ARL6IP6: variants seen among roughly 807,000 people sequenced by gnomAD.
ARL6IP6 encodes the protein ADP-ribosylation factor-like protein 6-interacting protein 6.
A neutral mutation model predicts 21.5 loss-of-function variants in ARL6IP6; 22 were observed. The observed-to-expected ratio is 1.02, with a 90% CI of 0.73 to 1.46. The LOEUF is 1.46. ARL6IP6 is among the 40% of genes most tolerant of loss of function. The probability of loss-of-function intolerance (pLI) is 0.00; values close to 1 mark genes in which losing one functional copy is unlikely to be tolerated. For synonymous variants in ARL6IP6, 164 were observed against 125.3 expected, an observed-to-expected ratio of 1.31 and a Z score of -2.06; for missense variants, 388 against 299.8, an observed-to-expected ratio of 1.29 and a Z score of -2.17.
chr2:152,721,755 T>C (rs957833146), intron 2 of ARL6IP6, among the ~76,000 whole-genome samples: 2 of 152,246 alleles, frequency 1.3e-5, no homozygotes, highest in African/African-American at 4.8e-5. Flanking sequence ...TAATCACCCT[T>C]ATGGTGACAC....
At chr2:152,759,495 C>T (rs947196283) in intron 3 of ARL6IP6, among the ~76,000 whole-genome samples, 4 of 152,078 alleles carry the variant, frequency 2.6e-5, no homozygotes, top group South Asian at 2.1e-4. Context: ...AGGGATGAAA[C>T]TCAGCATTAC....
intron 3 of ARL6IP6, among the ~76,000 whole-genome samples, chr2:152,754,190 C>T (rs1285503077): frequency 1.3e-5 from 2 of 151,974 alleles, no homozygotes; most frequent in African/African-American, 4.8e-5. Flanking sequence ...AAATGAAAAC[C>T]CCATACCCAT....
At chr2:152,720,438 C>A in intron 1 of ARL6IP6, 95 bp from the exon 2 acceptor site, 1 of 1,211,194 alleles carries the variant, frequency 8.3e-7, no homozygotes, top group Non-Finnish European at 1.2e-6. Flanking sequence ...GACTCCAGAG[C>A]ACTTTCCACA....
intron 3 of ARL6IP6, among the ~76,000 whole-genome samples, chr2:152,749,262 AG>A (rs1701200709): frequency 6.6e-6 from 1 of 152,046 alleles, no homozygotes; most frequent in Non-Finnish European, 1.5e-5. Flanking sequence ...GAATTATAAA[AG>A]AAGTCGTTAT....
At chr2:152,719,919 C>T in intron 1 of ARL6IP6, 1 of 461,720 alleles carries the variant, frequency 2.2e-6, no homozygotes, top group Non-Finnish European at 4.5e-6. Context: ...CTACAGATGG[C>T]ATGGCATCTA....
intron 3 of ARL6IP6, among the ~76,000 whole-genome samples, chr2:152,748,103 T>C (rs7589899): frequency 0.66 from 100,632 of 151,838 alleles, 33,539 homozygotes; most frequent in East Asian, 0.72. Context: ...TAAAGAACTT[T>C]AGAGTAAAAA....
Position 152,735,037 on chromosome 2 carries a change from C to T in ARL6IP6, c.498C>T (p.Ser166=), listed in dbSNP as rs1339687146. Residue 166 remains serine (S), a synonymous_variant, in exon 3 of 4, where the codon TCC becomes TCT. Transcript: ENST00000326446. ...TAATATCCCTAACTGCTGGATTCTC[C>T]TGTTGCAGCTTTTCTTGGACAGTGA... ...LLIISLTAGF[S]CCSFSWTVTY... The T allele has an allele frequency of 6.2e-7, 1 of 1,613,328 alleles. No homozygotes were observed. Among genetic ancestry groups the T allele is most frequent in the East Asian group, 2.2e-5 (1 of 44,824 alleles).
Position 152,718,773 on chromosome 2 carries a change from A to G in ARL6IP6, c.149A>G (p.Gln50Arg), listed in dbSNP as rs1189746706. ...GEVDEEEGCDQVARDLRAEFS... is the reference protein window; with the variant it reads ...GEVDEEEGCDRVARDLRAEFS... Reference sequence around the variant, plus strand: ...GTCGACGAGGAGGAGGGATGCGACCAAGTGGCCCGCGACCTGCGGGCGGAG... The same window carrying G: ...GTCGACGAGGAGGAGGGATGCGACCGAGTGGCCCGCGACCTGCGGGCGGAG... The change falls in exon 1 of 4, where the codon CAA (glutamine) becomes CGA (arginine). Residue 50 changes from glutamine (Q) to arginine (R), a missense_variant. By Grantham distance (43) the Gln-to-Arg change is conservative. Coordinates refer to ENST00000326446, the MANE Select transcript of ARL6IP6 (RefSeq NM_152522.7). The G allele has an allele frequency of 6.2e-7, 1 of 1,608,712 alleles. No homozygotes were observed.
At position 152,759,966 on chromosome 2, in the gene ARL6IP6, T is replaced by C; in HGVS notation, c.*126T>C. 1.4e-6 allele frequency: 1 copy of C among 731,470 alleles called. No individual in the cohort carries two copies. The highest frequency in any genetic ancestry group is 1.7e-5 in the South Asian group (1 of 60,058). 45.3% of individuals were successfully genotyped at this position (731,470 alleles called of 1,614,324 possible). A position where few individuals can be genotyped will look rare whatever the true frequency, so the allele number is the denominator to read the frequency against. Reference sequence around the variant, plus strand: ...GTTCATTATGTAGTTCAGATATTTATCACAATCATCCTCATTATGGAAGAC... The same window carrying C: ...GTTCATTATGTAGTTCAGATATTTACCACAATCATCCTCATTATGGAAGAC... On this transcript the variant is annotated 3_prime_UTR_variant, in exon 4 of 4. Transcript: ENST00000326446.
chr2:152,743,096 A>G (rs545568901), intron 3 of ARL6IP6, among the ~76,000 whole-genome samples: 1 of 96,178 alleles, frequency 1.0e-5, no homozygotes, highest in Non-Finnish European at 2.1e-5. Context: ...GTATTGCTAA[A>G]TCAAAAGACT....
intron 3 of ARL6IP6, among the ~76,000 whole-genome samples, chr2:152,738,634 C>A (rs994894974): frequency 1.2e-4 from 18 of 152,168 alleles, no homozygotes; most frequent in Non-Finnish European, 2.4e-4. Context: ...ACATTGACCC[C>A]TTTTAGCCAC....
chr2:152,736,742 A>G (rs903897104), intron 3 of ARL6IP6, among the ~76,000 whole-genome samples: 11 of 152,230 alleles, frequency 7.2e-5, no homozygotes, highest in Non-Finnish European at 1.3e-4. Context: ...AAAAATTACA[A>G]TACAACAATA....
chr2:152,729,857 T>C (rs1022353662), intron 2 of ARL6IP6, among the ~76,000 whole-genome samples: 1 of 150,470 alleles, frequency 6.6e-6, no homozygotes, highest in Non-Finnish European at 1.5e-5. Context: ...TCATTTAATA[T>C]GCTTTCATTT....
chr2:152,747,945 C>T (rs969009676), intron 3 of ARL6IP6, among the ~76,000 whole-genome samples: 1 of 152,184 alleles, frequency 6.6e-6, no homozygotes, highest in Non-Finnish European at 1.5e-5. Flanking sequence ...AAGCCATCCT[C>T]CTGCCTCAGC....
At chr2:152,745,946 T>G (rs1168656762) in intron 3 of ARL6IP6, among the ~76,000 whole-genome samples, 3 of 149,004 alleles carry the variant, frequency 2.0e-5, no homozygotes, top group East Asian at 4.1e-4. Flanking sequence ...TTGTATTAAC[T>G]ATTGGTTTTA....
upstream of ARL6IP6, chr2:152,718,528 G>A: frequency 6.8e-7 from 1 of 1,473,332 alleles, no homozygotes; most frequent in East Asian, 2.4e-5. Context: ...TCTGAGGCCT[G>A]GTGGTAGCGG....
intron 3 of ARL6IP6, among the ~76,000 whole-genome samples, chr2:152,743,710 T>TA (rs1700919628): frequency 6.6e-6 from 1 of 152,158 alleles, no homozygotes; most frequent in Admixed American, 6.6e-5. Flanking sequence ...TGCTTGTATT[T>TA]AAAGTTGTGA....
rs139201057 is a variant in ARL6IP6 at position 152,761,836 on chromosome 2, G to A, written c.*1996G>A. 4.9e-3 allele frequency among the ~76,000 whole-genome samples: 750 copies of A among 152,002 alleles called. 4 individuals carry two copies. The highest frequency in any genetic ancestry group is 8.4e-3 in the Non-Finnish European group (574 of 68,028). On this transcript the variant is annotated 3_prime_UTR_variant, in exon 4 of 4. Coordinates refer to ENST00000326446, the MANE Select transcript of ARL6IP6 (RefSeq NM_152522.7). Reference sequence around the variant, plus strand: ...AAGTATACTCTGATGTTCACACAATGATGAAATTGCCTAATGACGCTTTTC... The same window carrying A: ...AAGTATACTCTGATGTTCACACAATAATGAAATTGCCTAATGACGCTTTTC...
intron 2 of ARL6IP6, 53 bp downstream of exon 2, chr2:152,720,639 A>AGTTCAAACAT: frequency 6.6e-7 from 1 of 1,505,054 alleles, no homozygotes; most frequent in Non-Finnish European, 9.2e-7. Context: ...TTGTGTTTCT[A>AGTTCAAACAT]GATCATGTTT....
Sources: allele counts gnomAD v4.1 joint callset (sites outside exome capture counted in the v4.1 genomes callset), GRCh38; gene constraint gnomAD v4.1.1; transcripts MANE v1.5; gene names NCBI Gene and HGNC (gene_info 2026-07-23, HGNC 2026-07-21).